Variants in RIGI observed in about 807,000 individuals in gnomAD.
The protein encoded by RIGI is RNA sensor RIG-I.
At chr9:32,481,454 T>C in the RIGI span, 2 of 1,607,292 alleles carry the variant, frequency 1.2e-6, no homozygotes, top group Non-Finnish European at 1.7e-6. Flanking sequence ...ATTGTTCATA[T>C]TTCTGTGTTC....
the RIGI span, among the ~76,000 whole-genome samples, chr9:32,465,343 A>T: frequency 6.6e-6 from 1 of 152,182 alleles, no homozygotes; most frequent in Non-Finnish European, 1.5e-5. Context: ...GCTTTAGATA[A>T]TTGATGGTCA....
chr9:32,479,460 CT>C, the RIGI span, among the ~76,000 whole-genome samples: 1 of 151,946 alleles, frequency 6.6e-6, no homozygotes, highest in African/African-American at 2.4e-5. Flanking sequence ...AGAAGGAAAA[CT>C]TTTTTTTGTT....
the RIGI span, among the ~76,000 whole-genome samples, chr9:32,524,282 C>T: frequency 1.6e-4 from 24 of 152,252 alleles, no homozygotes; most frequent in African/African-American, 5.8e-4. Flanking sequence ...ACCTCCAATG[C>T]TAACATAATA....
chr9:32,487,535 T>G, the RIGI span: 1 of 1,614,184 alleles, frequency 6.2e-7, no homozygotes. Context: ...TTGCTATCAC[T>G]GACGCATCAA....
chr9:32,485,559 G>C, the RIGI span: 1 of 196,732 alleles, frequency 5.1e-6, no homozygotes, highest in South Asian at 3.8e-5. Context: ...TTTTTTGATT[G>C]AGACCAAGTC....
At chr9:32,473,854 C>G in the RIGI span, among the ~76,000 whole-genome samples, 1 of 152,040 alleles carries the variant, frequency 6.6e-6, no homozygotes, top group Non-Finnish European at 1.5e-5. Flanking sequence ...ATGGCAAAAG[C>G]CTGTCTCTAC....
the RIGI span, among the ~76,000 whole-genome samples, chr9:32,469,514 T>C: frequency 6.6e-6 from 1 of 152,142 alleles, no homozygotes; most frequent in African/African-American, 2.4e-5. Flanking sequence ...GGATTCAGGA[T>C]TGCAATTGTC....
chr9:32,507,187 G>A, the RIGI span, among the ~76,000 whole-genome samples: 2 of 152,104 alleles, frequency 1.3e-5, no homozygotes, highest in South Asian at 2.1e-4. Context: ...TGAGGCATAC[G>A]AGAGTTAAGA....
the RIGI span, among the ~76,000 whole-genome samples, chr9:32,474,166 T>C: frequency 5.5e-3 from 698 of 127,672 alleles, 5 homozygotes; most frequent in African/African-American, 0.02. Context: ...CACACTAGTG[T>C]ACTCCAACCT....
chr9:32,520,954 T>C, the RIGI span, among the ~76,000 whole-genome samples: 1 of 151,924 alleles, frequency 6.6e-6, no homozygotes, highest in African/African-American at 2.4e-5. Flanking sequence ...GAGACCAGCC[T>C]GGCCAACATG....
chr9:32,462,933 A>G, the RIGI span, among the ~76,000 whole-genome samples: 1 of 152,254 alleles, frequency 6.6e-6, no homozygotes, highest in Admixed American at 6.5e-5. Context: ...CGAGGCTGGC[A>G]TATCACTTGA....
the RIGI span, among the ~76,000 whole-genome samples, chr9:32,507,800 C>T: frequency 6.6e-6 from 1 of 152,016 alleles, no homozygotes. Context: ...CATGAGCTGC[C>T]AAGTCTGGCC....
the RIGI span, chr9:32,473,216 T>G: frequency 2.2e-6 from 1 of 461,204 alleles, no homozygotes; most frequent in South Asian, 3.0e-5. Flanking sequence ...CATTTTGGAA[T>G]TGAACTCTAT....
the RIGI span, among the ~76,000 whole-genome samples, chr9:32,460,899 T>C: frequency 6.6e-6 from 1 of 152,032 alleles, no homozygotes; most frequent in Non-Finnish European, 1.5e-5. Flanking sequence ...GACCTCCAAA[T>C]ATATCCCAAA....
the RIGI span, chr9:32,487,554 C>T: frequency 6.2e-7 from 1 of 1,614,182 alleles, no homozygotes; most frequent in Non-Finnish European, 8.5e-7. Context: ...AAGAGAAGCA[C>T]ACAGCTTGCA....
At chr9:32,509,894 T>C in the RIGI span, among the ~76,000 whole-genome samples, 2 of 151,928 alleles carry the variant, frequency 1.3e-5, no homozygotes, top group African/African-American at 4.8e-5. Context: ...AGGACCTGAA[T>C]GACCTGATGT....
the RIGI span, among the ~76,000 whole-genome samples, chr9:32,457,798 T>C: frequency 6.6e-5 from 10 of 152,160 alleles, no homozygotes; most frequent in Non-Finnish European, 1.5e-4. Flanking sequence ...ATCCAAAGGA[T>C]ACAGGGAAAA....
the RIGI span, among the ~76,000 whole-genome samples, chr9:32,493,498 C>T: frequency 8.5e-4 from 116 of 136,048 alleles, no homozygotes; most frequent in African/African-American, 3.1e-3. Context: ...GTAGCACGCA[C>T]CTGTAATCCC....
the RIGI span, among the ~76,000 whole-genome samples, chr9:32,508,258 T>TTTTTTTTTTTTTTTTTTTTTA: frequency 2.2e-5 from 3 of 137,994 alleles, no homozygotes; most frequent in African/African-American, 8.8e-5. Flanking sequence ...TTTTTTTTTT[T>TTTTTTTTTTTTTTTTTTTTTA]ACTATATGAA....
Sources: allele counts gnomAD v4.1 joint callset (sites outside exome capture counted in the v4.1 genomes callset), GRCh38; gene constraint gnomAD v4.1.1; transcripts MANE v1.5; gene names NCBI Gene and HGNC (gene_info 2026-07-23, HGNC 2026-07-21).